ZNF438: variants seen among roughly 807,000 people sequenced by gnomAD.
ZNF438 encodes zinc finger protein 438.
Under a neutral mutation model 38.0 loss-of-function variants are expected in ZNF438, and 25 were observed. The observed-to-expected ratio is 0.66, with a 90% CI of 0.48 to 0.92. ZNF438 has a LOEUF of 0.92. Ranked by LOEUF, ZNF438 falls within the 40% of genes least tolerant of loss-of-function variation. The pLI, the probability that ZNF438 is intolerant of heterozygous loss-of-function variation, is 0.00. For synonymous variants in ZNF438, 372 were observed against 364.1 expected, an observed-to-expected ratio of 1.02 and a Z score of -0.25; for missense variants, 1,007 against 999.6, an observed-to-expected ratio of 1.01 and a Z score of -0.10.
At chr10:30,954,917 A>T (rs954201918) in intron 1 of ZNF438, among the ~76,000 whole-genome samples, 6 of 152,218 alleles carry the variant, frequency 3.9e-5, no homozygotes, top group African/African-American at 1.4e-4. Flanking sequence ...ATGACTCTAA[A>T]TTGAGAGAGC....
intron 2 of ZNF438, among the ~76,000 whole-genome samples, chr10:30,939,918 A>C (rs1246401234): frequency 6.6e-6 from 1 of 152,244 alleles, no homozygotes; most frequent in South Asian, 2.1e-4. Flanking sequence ...ACCACTATTT[A>C]TAACATTGTT....
At chr10:31,003,940 G>A (rs1207313281) in intron 1 of ZNF438, among the ~76,000 whole-genome samples, 1 of 152,128 alleles carries the variant, frequency 6.6e-6, no homozygotes, top group Non-Finnish European at 1.5e-5. Context: ...GAAAAAACAA[G>A]AGTCCATTTT....
intron 1 of ZNF438, among the ~76,000 whole-genome samples, chr10:30,955,417 T>C (rs766119537): frequency 6.6e-6 from 1 of 152,220 alleles, no homozygotes; most frequent in Non-Finnish European, 1.5e-5. Context: ...ATAGTGGAAG[T>C]GATATGGTAC....
chr10:30,936,647 C>T (rs1474121315), intron 2 of ZNF438, among the ~76,000 whole-genome samples: 1 of 151,966 alleles, frequency 6.6e-6, no homozygotes, highest in Non-Finnish European at 1.5e-5. Context: ...GCACTCCAGC[C>T]TAGGGGAGGA....
intron 4 of ZNF438, among the ~76,000 whole-genome samples, chr10:30,867,412 T>A (rs1463337946): frequency 6.6e-6 from 1 of 152,230 alleles, no homozygotes; most frequent in Non-Finnish European, 1.5e-5. Flanking sequence ...TTCGTTAAAC[T>A]AGGTTATTTT....
rs554818626 is a variant in ZNF438, at chr10:31,029,850, T to C, written c.-192+1983A>G. Among the ~76,000 whole-genome samples, 38 of 152,348 alleles carry C rather than the reference T, an allele frequency of 2.5e-4. No individual in the cohort carries two copies. In the East Asian group the frequency reaches 4.0e-3, roughly 16 times the overall value. ...CCGGCTGTGCTCTAAACACTCTCAC[T>C]GTGTCTGGACCACCTCAGAGCATTG... On this transcript the variant is annotated intron_variant, in intron 1 of 5. Coordinates refer to ENST00000413025, the Ensembl canonical transcript of ZNF438.
At chr10:30,923,692 C>A (rs2044589079) in intron 2 of ZNF438, among the ~76,000 whole-genome samples, 1 of 152,166 alleles carries the variant, frequency 6.6e-6, no homozygotes, top group Admixed American at 6.5e-5. Context: ...TATCCTCATA[C>A]CATATGCTGG....
At chr10:30,848,948 CTGT>C (rs768417384) in exon 5 of ZNF438, 1 of 1,613,972 alleles carries the variant, frequency 6.2e-7, no homozygotes. Context: ...AGGGGAAGAG[CTGT>C]TGTCTTGCTT....
At chr10:30,988,392 C>T (rs1014252228) in intron 1 of ZNF438, among the ~76,000 whole-genome samples, 5 of 151,704 alleles carry the variant, frequency 3.3e-5, no homozygotes, top group East Asian at 1.9e-4. Context: ...AAAATACAAC[C>T]GTATTTTTAA....
intron 3 of ZNF438, among the ~76,000 whole-genome samples, chr10:30,885,514 T>C (rs73243080): frequency 1.3e-5 from 2 of 152,134 alleles, no homozygotes; most frequent in African/African-American, 4.8e-5. Flanking sequence ...CATCCACATA[T>C]GAGGATCTGC....
chr10:30,845,214 C>T (rs781101696), exon 6 of ZNF438: 3 of 1,614,138 alleles, frequency 1.9e-6, no homozygotes, highest in Admixed American at 1.7e-5. Context: ...TGACTGGGGT[C>T]CTTCATTTTC....
intron 4 of ZNF438, among the ~76,000 whole-genome samples, chr10:30,856,864 T>C (rs1040820351): frequency 6.6e-6 from 1 of 152,204 alleles, no homozygotes; most frequent in Non-Finnish European, 1.5e-5. Flanking sequence ...AAAATAACAA[T>C]TTTGAAAAGT....
Position 31,012,067 on chromosome 10 carries a change from G to A in ZNF438, c.-192+19766C>T, listed in dbSNP as rs542431855. On this transcript the variant is annotated intron_variant, in intron 1 of 5. Coordinates refer to ENST00000413025, the Ensembl canonical transcript of ZNF438. ...TTGCTGTGCCCCTGATAACACTCATGTCTCTGCTCAGAGGTCACTTCTCAG... is the reference window on the plus strand; with the variant it reads ...TTGCTGTGCCCCTGATAACACTCATATCTCTGCTCAGAGGTCACTTCTCAG... Among the ~76,000 whole-genome samples, 5 of 151,556 alleles carry A rather than the reference G, an allele frequency of 3.3e-5. No homozygotes were observed. In the East Asian group the frequency reaches 9.7e-4, roughly 29 times the overall value.
At chr10:30,977,200 TTTAA>T (rs758655942) in intron 1 of ZNF438, among the ~76,000 whole-genome samples, 5 of 152,224 alleles carry the variant, frequency 3.3e-5, no homozygotes, top group Non-Finnish European at 7.3e-5. Flanking sequence ...TAAAAACTAC[TTTAA>T]TTGAGAATAC....
chr10:30,989,461 G>C (rs1181470272), intron 1 of ZNF438, among the ~76,000 whole-genome samples: 1 of 152,116 alleles, frequency 6.6e-6, no homozygotes, highest in Non-Finnish European at 1.5e-5. Flanking sequence ...TCCTATACCA[G>C]AATGATACAT....
chr10:30,933,559 TG>T (rs2045918673), intron 2 of ZNF438, among the ~76,000 whole-genome samples: 2 of 152,148 alleles, frequency 1.3e-5, no homozygotes, highest in South Asian at 4.1e-4. Context: ...TCAAGGCTAC[TG>T]TGAGTTATGA....
chr10:31,012,108 C>G (rs564015393), intron 1 of ZNF438, among the ~76,000 whole-genome samples: 2 of 151,520 alleles, frequency 1.3e-5, no homozygotes, highest in East Asian at 3.9e-4. Context: ...CTTCCCTGAT[C>G]TCATTTTCTT....
At position 30,850,161 on chromosome 10, in the gene ZNF438, G is replaced by C. The variant is rs748271810; in HGVS notation, c.244C>G (p.Leu82Val). The C allele has an allele frequency of 6.2e-6, 10 of 1,614,040 alleles. No individual in the cohort carries two copies. In the East Asian group the frequency reaches 1.6e-4, roughly 25 times the overall value. ...CCCTCCTGGCCAGCAACCTGCATCA[G>C]GGCATAGTTCTGGGTGGACATCCCC... Residue 82 changes from leucine to valine, a missense_variant, in exon 5 of 6, where the codon CTG (leucine) becomes GTG (valine). Physicochemically the swap from Leu to Val is conservative, Grantham distance 32 (BLOSUM62 1). Transcript: ENST00000413025.
chr10:30,900,517 T>C (rs1194772702), intron 3 of ZNF438, among the ~76,000 whole-genome samples: 1 of 152,214 alleles, frequency 6.6e-6, no homozygotes, highest in African/African-American at 2.4e-5. Context: ...TATTTTGAGA[T>C]TACTATGGCT....
Sources: allele counts gnomAD v4.1 joint callset (sites outside exome capture counted in the v4.1 genomes callset), GRCh38; gene constraint gnomAD v4.1.1; transcripts MANE v1.5; gene names NCBI Gene and HGNC (gene_info 2026-07-23, HGNC 2026-07-21).